The following FSHR variants were observed in gnomAD, a reference collection of about 807,000 sequenced individuals.
FSHR encodes the protein follicle-stimulating hormone receptor.
FSHR carries 46 observed loss-of-function variants against 52.1 expected under a neutral mutation model. That is an observed-to-expected ratio of 0.88 (90% CI 0.70 to 1.13). FSHR has a LOEUF of 1.13. Among genes scored for constraint, FSHR ranks in the 50% most tolerant of loss-of-function variants. The pLI, the probability that FSHR is intolerant of heterozygous loss-of-function variation, is 0.00. For synonymous variants in FSHR, 399 were observed against 309.6 expected (o/e 1.29, Z -3.03); for missense variants, 964 against 834.6 (o/e 1.16, Z -1.91).
intron 1 of FSHR, among the ~76,000 whole-genome samples, chr2:49,089,656 G>T (rs767278332): frequency 1.3e-5 from 2 of 152,126 alleles, no homozygotes; most frequent in South Asian, 4.1e-4. Context: ...AACAAAGAAA[G>T]TATGTCTCCA....
intron 1 of FSHR, among the ~76,000 whole-genome samples, chr2:49,132,726 A>G (rs527845406): frequency 1.3e-5 from 2 of 152,118 alleles, no homozygotes; most frequent in African/African-American, 4.8e-5. Flanking sequence ...AATCCTGGGT[A>G]CCTAACTGCT....
intron 1 of FSHR, among the ~76,000 whole-genome samples, chr2:49,098,845 A>T (rs1057326952): frequency 6.8e-6 from 1 of 146,510 alleles, no homozygotes; most frequent in Non-Finnish European, 1.5e-5. Flanking sequence ...ATATTATATT[A>T]TATATACTTT....
intron 4 of FSHR, among the ~76,000 whole-genome samples, chr2:49,005,109 A>G (rs1667032339): frequency 6.6e-6 from 1 of 152,136 alleles, no homozygotes; most frequent in African/African-American, 2.4e-5. Flanking sequence ...ATGTTGATAT[A>G]AATTGATGGA....
intron 2 of FSHR, among the ~76,000 whole-genome samples, chr2:49,021,863 C>CTCTCTCTCTCTCTCTATATATATATA (rs1467766420): frequency 2.0e-5 from 1 of 49,868 alleles, no homozygotes; most frequent in African/African-American, 8.2e-5. Flanking sequence ...CTCTCTCTCT[C>CTCTCTCTCTCTCTCTATATATATATA]TATATATATA....
intron 1 of FSHR, among the ~76,000 whole-genome samples, chr2:49,106,716 A>G (rs1338824175): frequency 6.6e-6 from 1 of 152,254 alleles, no homozygotes; most frequent in East Asian, 1.9e-4. Flanking sequence ...ATCCAGACAA[A>G]TAAATTCAGT....
intron 1 of FSHR, among the ~76,000 whole-genome samples, chr2:49,126,691 T>G (rs935491632): frequency 6.6e-6 from 1 of 152,184 alleles, no homozygotes; most frequent in Admixed American, 6.5e-5. Flanking sequence ...TGTCACTGTA[T>G]AGAGGAATAA....
Position 48,990,892 on chromosome 2 carries a change from T to TAAA in FSHR, c.375-258_375-256dup, listed in dbSNP as rs10644983. ...GGGATTAGGATGCCACAGTATACAT[T>TAAA]AAAAAAAAAACGATTGATAAGTTAA... On this transcript the variant is annotated intron_variant, in intron 4 of 9. Transcript: ENST00000406846. Among the ~76,000 whole-genome samples the TAAA allele has an allele frequency of 1.1e-3, 169 of 149,064 alleles. No homozygotes were observed. The highest frequency in any genetic ancestry group is 1.3e-3 in the Non-Finnish European group (88 of 67,200).
At chr2:49,060,286 T>C (rs1484379345) in intron 2 of FSHR, among the ~76,000 whole-genome samples, 1 of 152,104 alleles carries the variant, frequency 6.6e-6, no homozygotes, top group African/African-American at 2.4e-5. Context: ...AAAAAGGTTA[T>C]TCAAAACACT....
chr2:49,077,592 T>C (rs1452639742), intron 1 of FSHR, among the ~76,000 whole-genome samples: 2 of 152,216 alleles, frequency 1.3e-5, no homozygotes, highest in African/African-American at 4.8e-5. Context: ...GACTATTTCC[T>C]CAGAAATTGG....
At chr2:49,127,823 CTTCTTCCT>C (rs1672088693) in intron 1 of FSHR, among the ~76,000 whole-genome samples, 7 of 45,084 alleles carry the variant, frequency 1.6e-4, no homozygotes, top group African/African-American at 6.9e-4. Context: ...TCTTCTTCTT[CTTCTTCCT>C]CTTCTTCTTC....
intron 1 of FSHR, among the ~76,000 whole-genome samples, chr2:49,082,418 A>C (rs1470634116): frequency 2.0e-5 from 3 of 152,204 alleles, no homozygotes; most frequent in South Asian, 2.1e-4. Flanking sequence ...GAAAAACTGG[A>C]AACTCTAAAA....
chr2:48,981,518 TGTATCTCC>T (rs1347473028), intron 8 of FSHR, among the ~76,000 whole-genome samples: 3 of 152,236 alleles, frequency 2.0e-5, no homozygotes, highest in Non-Finnish European at 4.4e-5. Flanking sequence ...CAGTCTGCTC[TGTATCTCC>T]GCTTTAATCA....
chr2:48,988,246 C>A lies in FSHR; in HGVS notation c.524+731G>T, dbSNP rs142885870. Among the ~76,000 whole-genome samples, 593 of 152,210 alleles carry A rather than the reference C, an allele frequency of 3.9e-3. 1 individual carries two copies. Among genetic ancestry groups the A allele is most frequent in the African/African-American group, 0.013 (554 of 41,520 alleles). ...ATACTGGTATATTTTTTTAAAAACA[C>A]AACAGTTTGTAAAATAGATAAAATG... On this transcript the variant is annotated intron_variant, in intron 6 of 9. Coordinates refer to ENST00000406846, the MANE Select transcript of FSHR (RefSeq NM_000145.4).
chr2:49,079,027 G>A (rs968780702), intron 1 of FSHR, among the ~76,000 whole-genome samples: 9 of 151,968 alleles, frequency 5.9e-5, no homozygotes, highest in Non-Finnish European at 1.0e-4. Flanking sequence ...ACCAGTCTAC[G>A]ACATCACTAT....
intron 1 of FSHR, among the ~76,000 whole-genome samples, chr2:49,115,904 T>G (rs1174667014): frequency 6.6e-6 from 1 of 152,088 alleles, no homozygotes; most frequent in Non-Finnish European, 1.5e-5. Flanking sequence ...AAGTGAAGGG[T>G]GGGTTATTGA....
At chr2:49,095,458 C>T (rs1013705827) in intron 1 of FSHR, among the ~76,000 whole-genome samples, 3 of 152,066 alleles carry the variant, frequency 2.0e-5, no homozygotes, top group Admixed American at 6.6e-5. Context: ...TACCTCACAT[C>T]GTTTGTAAAT....
chr2:49,008,183 C>CT (rs397935055), intron 4 of FSHR, among the ~76,000 whole-genome samples: 1 of 109,252 alleles, frequency 9.2e-6, no homozygotes. Context: ...CCCCCTCCCC[C>CT]ACCCCACAAC....
intron 2 of FSHR, among the ~76,000 whole-genome samples, chr2:49,048,231 A>C (rs1668729650): frequency 6.6e-6 from 1 of 151,864 alleles, no homozygotes; most frequent in Non-Finnish European, 1.5e-5. Context: ...ATCATACCTC[A>C]AGAAGACTGG....
Position 48,963,075 on chromosome 2 carries a change from G to A in FSHR, c.1746C>T (p.Phe582=). Residue 582 remains phenylalanine (F), a synonymous_variant, in exon 10 of 10, where the codon TTC becomes TTT. Transcript: ENST00000406846. ...KRMAMLIFTD[F]LCMAPISFFA... is the part of the protein sequence containing the mutation. ...AGAAAGAAATGGGTGCCATGCAGAG[G>A]AAGTCAGTGAAGATGAGCATGGCCA... 6.2e-7 allele frequency: 1 copy of A among 1,614,064 alleles called. No individual in the cohort carries two copies. The highest frequency in any genetic ancestry group is 1.3e-5 in the African/African-American group (1 of 75,024).
Sources: gnomAD v4.1 joint callset for allele counts (sites outside exome capture counted in the v4.1 genomes callset) on GRCh38, gnomAD v4.1.1 for gene constraint, MANE v1.5 for transcripts, NCBI Gene and HGNC (gene_info 2026-07-23, HGNC 2026-07-21) for gene names.